ZNF385D: variants seen among roughly 807,000 people sequenced by gnomAD.
ZNF385D encodes zinc finger protein 385D, also known as zinc finger protein 659.
Under a neutral mutation model 35.8 loss-of-function variants are expected in ZNF385D, and 15 were observed. The observed-to-expected ratio is 0.42, with a 90% confidence interval of 0.28 to 0.64. The LOEUF (loss-of-function observed/expected upper bound fraction) is 0.64, where lower values mean the gene tolerates loss of function less well. Ranked by LOEUF, ZNF385D falls within the 30% of genes least tolerant of loss-of-function variation. The pLI, the probability that ZNF385D is intolerant of heterozygous loss-of-function variation, is 0.23. For missense variants in ZNF385D, 474 were observed against 494.6 expected (o/e 0.96, Z 0.39); for synonymous variants, 212 against 186.8 (o/e 1.13, Z -1.10).
chr3:22,038,560 T>G (rs903934782), intron 3 of ZNF385D, among the ~76,000 whole-genome samples: 7 of 152,168 alleles, frequency 4.6e-5, no homozygotes, highest in Admixed American at 2.0e-4. Flanking sequence ...CAGGCTGAAA[T>G]AAAATTTATT....
At chr3:22,204,174 G>T (rs897522865) in intron 2 of ZNF385D, among the ~76,000 whole-genome samples, 1 of 152,020 alleles carries the variant, frequency 6.6e-6, no homozygotes, top group Non-Finnish European at 1.5e-5. Flanking sequence ...TTGGAAGAAC[G>T]TAAGGGAAGA....
intron 1 of ZNF385D, among the ~76,000 whole-genome samples, chr3:21,694,093 G>C: frequency 8.0e-6 from 1 of 125,202 alleles, no homozygotes; most frequent in Non-Finnish European, 1.6e-5. Context: ...GCCCAGGCCG[G>C]AGTACAGTGG....
chr3:21,954,366 T>C (rs1309385701), intron 3 of ZNF385D, among the ~76,000 whole-genome samples: 1 of 152,028 alleles, frequency 6.6e-6, no homozygotes, highest in Non-Finnish European at 1.5e-5. Context: ...GGGATCAATA[T>C]TCTCAAAATT....
intron 3 of ZNF385D, among the ~76,000 whole-genome samples, chr3:22,031,581 C>A (rs1037294533): frequency 6.6e-6 from 1 of 152,168 alleles, no homozygotes; most frequent in Non-Finnish European, 1.5e-5. Context: ...CACAGAGCAG[C>A]GTGTCCCTGG....
At chr3:22,188,622 T>C (rs143647895) in intron 2 of ZNF385D, among the ~76,000 whole-genome samples, 3,361 of 152,128 alleles carry the variant, frequency 0.022, 121 homozygotes, top group African/African-American at 0.076. Flanking sequence ...GCTAATTTTT[T>C]GTATTTTTTA....
At chr3:22,126,993 T>C (rs4858381) in intron 3 of ZNF385D, among the ~76,000 whole-genome samples, 137,596 of 152,158 alleles carry the variant, frequency 0.9, 62,448 homozygotes, top group African/African-American at 0.98. Flanking sequence ...AGTATAGTTA[T>C]TCCTGTTCTT....
chr3:21,795,684 C>G (rs979939022), intron 3 of ZNF385D, among the ~76,000 whole-genome samples: 1 of 152,114 alleles, frequency 6.6e-6, no homozygotes, highest in Admixed American at 6.5e-5. Flanking sequence ...TCATAGGTGC[C>G]TAACACTCAG....
intron 2 of ZNF385D, among the ~76,000 whole-genome samples, chr3:22,248,105 T>G (rs1301437020): frequency 1.3e-5 from 2 of 152,174 alleles, no homozygotes; most frequent in Non-Finnish European, 2.9e-5. Flanking sequence ...CTACACAACC[T>G]TGCTCCCTGA....
intron 3 of ZNF385D, among the ~76,000 whole-genome samples, chr3:21,906,324 G>A (rs1699683517): frequency 6.6e-6 from 1 of 152,134 alleles, no homozygotes; most frequent in Non-Finnish European, 1.5e-5. Context: ...ATAGAAAGAC[G>A]CACAATAATT....
chr3:21,440,285 G>C (rs1033017675), intron 4 of ZNF385D, among the ~76,000 whole-genome samples: 1 of 152,090 alleles, frequency 6.6e-6, no homozygotes, highest in African/African-American at 2.4e-5. Context: ...GTTAACAGCA[G>C]CATATACCCT....
chr3:22,329,175 G>A (rs145127901), intron 2 of ZNF385D, among the ~76,000 whole-genome samples: 32 of 151,466 alleles, frequency 2.1e-4, no homozygotes, highest in Non-Finnish European at 4.1e-4. Flanking sequence ...CTAGTCCACC[G>A]TCCGTGCTGA....
At chr3:21,593,098 G>A (rs978655022) in intron 2 of ZNF385D, among the ~76,000 whole-genome samples, 2 of 152,064 alleles carry the variant, frequency 1.3e-5, no homozygotes, top group Non-Finnish European at 2.9e-5. Flanking sequence ...CCTTTTCCCC[G>A]GCTGCTGTAT....
At chr3:21,670,652 C>A (rs1303382834) in intron 1 of ZNF385D, among the ~76,000 whole-genome samples, 1 of 2,196 alleles carries the variant, frequency 4.6e-4, no homozygotes, top group Non-Finnish European at 1.7e-3. Context: ...CCTAAGGCGC[C>A]CCCCCCCCCC....
In ZNF385D at chr3:22,053,100, C is replaced by G. The variant is rs888884152; in HGVS notation, c.325+115717G>C. ...ATGGCGGGCGCCCCTCCCCCAGCCT[C>G]GTTGCCGCCTTGCAGTTTGATCTCA... On this transcript the variant is annotated intron_variant, in intron 3 of 5. Coordinates refer to the ZNF385D transcript ENST00000494108. Among the ~76,000 whole-genome samples, 3 of 80,818 alleles carry G rather than the reference C, an allele frequency of 3.7e-5. 1 individual carries two copies. The highest frequency in any genetic ancestry group is 7.5e-5 in the Non-Finnish European group (3 of 40,124). The allele number at this position is 80,818 out of a possible 152,430, so 53.0% of individuals were successfully genotyped here.
At chr3:22,325,576 C>A (rs1694637161) in intron 2 of ZNF385D, among the ~76,000 whole-genome samples, 1 of 152,002 alleles carries the variant, frequency 6.6e-6, no homozygotes, top group African/African-American at 2.4e-5. Flanking sequence ...CCAGCCTGGG[C>A]AACATGGTCA....
intron 3 of ZNF385D, among the ~76,000 whole-genome samples, chr3:22,110,194 T>C (rs1489350429): frequency 6.6e-6 from 1 of 152,264 alleles, no homozygotes; most frequent in South Asian, 2.1e-4. Context: ...TTGGTGGGAC[T>C]GTAAACTAGT....
chr3:21,812,711 G>A (rs150672445), intron 3 of ZNF385D, among the ~76,000 whole-genome samples: 11,745 of 152,290 alleles, frequency 0.077, 614 homozygotes, highest in South Asian at 0.12. Context: ...CTCGAACTGC[G>A]TGGAGCCCAC....
chr3:22,029,061 C>T (rs1034064130), intron 3 of ZNF385D, among the ~76,000 whole-genome samples: 1 of 152,162 alleles, frequency 6.6e-6, no homozygotes, highest in Non-Finnish European at 1.5e-5. Flanking sequence ...GTTCCCGTGA[C>T]ATTACATTCT....
At chr3:21,548,786 A>C (rs373188132) in intron 3 of ZNF385D, among the ~76,000 whole-genome samples, 4 of 152,204 alleles carry the variant, frequency 2.6e-5, no homozygotes, top group East Asian at 1.9e-4. Context: ...CTCCTAGGGC[A>C]TGTCCCCTGA....
Sources: allele counts gnomAD v4.1 joint callset (sites outside exome capture counted in the v4.1 genomes callset), GRCh38; gene constraint gnomAD v4.1.1; transcripts MANE v1.5; gene names NCBI Gene and HGNC (gene_info 2026-07-23, HGNC 2026-07-21).